Variants in MED10 observed in about 807,000 individuals in gnomAD.
MED10 encodes the protein mediator of RNA polymerase II transcription subunit 10.
MED10 carries 9 observed loss-of-function variants against 17.2 expected under a neutral mutation model. The observed-to-expected ratio is 0.52, with a 90% CI of 0.31 to 0.91. The LOEUF (loss-of-function observed/expected upper bound fraction) is 0.91, where lower values mean the gene tolerates loss of function less well. MED10 is among the 40% of genes least tolerant of loss of function. The pLI, the probability that MED10 is intolerant of heterozygous loss-of-function variation, is 0.04. For synonymous variants in MED10, 66 were observed against 59.8 expected (o/e 1.10, Z -0.48); for missense variants, 129 against 164.8 (o/e 0.78, Z 1.19).
Position 6,377,942 on chromosome 5 carries a change from T to C in MED10, c.122+420A>G, listed in dbSNP as rs768095157. On this transcript the variant is annotated intron_variant, in intron 1 of 3. Coordinates refer to ENST00000255764, the MANE Select transcript of MED10 (RefSeq NM_032286.3). ...CAGGTGGCTTCGGAGCCTCACCTTC[T>C]GAGGCCTAGTTTAGGGCGTGCACTC... Among the ~76,000 whole-genome samples the C allele has an allele frequency of 2.9e-4, 44 of 152,226 alleles. 1 individual carries two copies. Among genetic ancestry groups the C allele is most frequent in the Non-Finnish European group, 5.7e-4 (39 of 68,038 alleles).
chr5:6,372,668 C>A (rs139577666), intron 3 of MED10, 67 bp from the exon 4 acceptor site: 7 of 1,362,508 alleles, frequency 5.1e-6, no homozygotes, highest in Non-Finnish European at 1.0e-6. Flanking sequence ...TTAAAATATG[C>A]CTTTTGGAAG....
chr5:6,375,185 C>G (rs1203762248), intron 2 of MED10, among the ~76,000 whole-genome samples: 1 of 152,140 alleles, frequency 6.6e-6, no homozygotes, highest in Non-Finnish European at 1.5e-5. Context: ...AACATACTGC[C>G]TAGATCAATA....
rs1024640554 is a variant in MED10 at position 6,375,146 on chromosome 5, T to C, written c.207-720A>G. 3.3e-5 allele frequency among the ~76,000 whole-genome samples: 5 copies of C among 152,216 alleles called. No homozygotes were observed. The East Asian group carries it at 9.6e-4, about 29-fold the overall frequency. ...GAATTTCTGACACTTCCCCCAGAAA[T>C]TATCTTCAGTATCCTGAAGATTTAA... On this transcript the variant is annotated intron_variant, in intron 2 of 3. Coordinates refer to ENST00000255764, the MANE Select transcript of MED10 (RefSeq NM_032286.3).
rs1737900092 is a variant in MED10, at chr5:6,372,159, G to C, written c.*344C>G. The C allele has an allele frequency of 4.6e-6, 1 of 216,098 alleles. No homozygotes were observed. Among genetic ancestry groups the C allele is most frequent in the Non-Finnish European group, 9.1e-6 (1 of 109,560 alleles). 13.4% of individuals were successfully genotyped at this position (216,098 alleles called of 1,614,324 possible). ...AGAGTATGTTAAAAGAAAAATATTA[G>C]GTAGAATGTTGTAAAACTTTTAATT... is the stretch of plus-strand genomic sequence containing the variant. On this transcript the variant is annotated 3_prime_UTR_variant, in exon 4 of 4. Coordinates refer to ENST00000255764, the MANE Select transcript of MED10 (RefSeq NM_032286.3).
At chr5:6,378,281 C>T in intron 1 of MED10, 81 bp downstream of exon 1, 3 of 1,444,774 alleles carry the variant, frequency 2.1e-6, no homozygotes, top group Non-Finnish European at 2.7e-6. Context: ...TCGGCTCGGG[C>T]TCCCTAGATC....
At chr5:6,374,585 C>A in intron 2 of MED10, 159 bp from the exon 3 acceptor site, 1 of 595,776 alleles carries the variant, frequency 1.7e-6, no homozygotes. Context: ...AATATTCCCT[C>A]ATTTACACAA....
chr5:6,372,478 T>C lies in MED10; in HGVS notation c.*25A>G. ...CACGCCGCATCGCAGTCCCAGGGGA[T>C]CTTCACACAGGGAGGGTGAGCTGGT... On this transcript the variant is annotated 3_prime_UTR_variant, in exon 4 of 4. Coordinates refer to ENST00000255764, the MANE Select transcript of MED10 (RefSeq NM_032286.3). 6.3e-7 allele frequency: 1 copy of C among 1,599,006 alleles called. No homozygotes were observed. The highest frequency in any genetic ancestry group is 8.6e-7 in the Non-Finnish European group (1 of 1,166,356).
intron 3 of MED10, among the ~76,000 whole-genome samples, chr5:6,373,446 A>C (rs1385827701): frequency 6.6e-6 from 1 of 152,240 alleles, no homozygotes; most frequent in Non-Finnish European, 1.5e-5. Flanking sequence ...AGCATTCTCA[A>C]GGAAAGCTTT....
chr5:6,375,703 C>T (rs1019758121), intron 2 of MED10, among the ~76,000 whole-genome samples: 3 of 152,154 alleles, frequency 2.0e-5, no homozygotes, highest in African/African-American at 4.8e-5. Context: ...TTCACCTTAG[C>T]TAAAGACACA....
chr5:6,372,790 C>A (rs1403768527), intron 3 of MED10, among the ~76,000 whole-genome samples, 189 bp from the exon 4 acceptor site: 1 of 152,178 alleles, frequency 6.6e-6, no homozygotes, highest in Non-Finnish European at 1.5e-5. Flanking sequence ...GGAAGCGACA[C>A]TGCACAGCCC....
chr5:6,372,440 G>C lies in MED10; in HGVS notation c.*63C>G, dbSNP rs1294831044. ...CAGCAGGAAGGTGGCGTCAGCACTCGCAGTCCCAGCCTCACGCCGCATCGC... is the reference window on the plus strand; with the variant it reads ...CAGCAGGAAGGTGGCGTCAGCACTCCCAGTCCCAGCCTCACGCCGCATCGC... On this transcript the variant is annotated 3_prime_UTR_variant, in exon 4 of 4. Coordinates refer to ENST00000255764, the MANE Select transcript of MED10 (RefSeq NM_032286.3). 1 of 1,399,806 alleles carries C rather than the reference G, an allele frequency of 7.1e-7. No homozygotes were observed. Among genetic ancestry groups the C allele is most frequent in the South Asian group, 1.2e-5 (1 of 86,572 alleles). 86.7% of individuals were successfully genotyped at this position (1,399,806 alleles called of 1,614,324 possible). A position where few individuals can be genotyped will look rare whatever the true frequency, so the allele number is the denominator to read the frequency against.
At chr5:6,376,814 CT>C (rs1296361953) in intron 2 of MED10, 1 of 161,504 alleles carries the variant, frequency 6.2e-6, no homozygotes, top group African/African-American at 2.4e-5. Flanking sequence ...CTTTTCACCT[CT>C]TAAGGAAAAA....
At chr5:6,374,680 T>G (rs936172398) in intron 2 of MED10, 10 of 418,102 alleles carry the variant, frequency 2.4e-5, no homozygotes, top group Non-Finnish European at 3.1e-5. Flanking sequence ...CCAAGCACGC[T>G]TCACAAGCCA....
intron 1 of MED10, 40 bp downstream of exon 1, chr5:6,378,322 G>T (rs1221801507): frequency 6.5e-7 from 1 of 1,550,054 alleles, no homozygotes; most frequent in Non-Finnish European, 8.7e-7. Context: ...TTCCCGGCCA[G>T]GCCCTGGGGA....
intron 3 of MED10, 146 bp from the exon 4 acceptor site, chr5:6,372,747 G>C: frequency 3.2e-6 from 2 of 632,600 alleles, no homozygotes; most frequent in South Asian, 1.9e-5. Context: ...TGATCTCAGA[G>C]AGGAAATGAC....
Position 6,372,461 on chromosome 5 carries a change from A to T in MED10, c.*42T>A. ...ACTCGCAGTCCCAGCCTCACGCCGC[A>T]TCGCAGTCCCAGGGGATCTTCACAC... is the stretch of plus-strand genomic sequence containing the variant. On this transcript the variant is annotated 3_prime_UTR_variant, in exon 4 of 4. Coordinates refer to ENST00000255764, the MANE Select transcript of MED10 (RefSeq NM_032286.3). The T allele has an allele frequency of 6.4e-7, 1 of 1,559,368 alleles. No individual in the cohort carries two copies. The highest frequency in any genetic ancestry group is 1.1e-5 in the South Asian group (1 of 89,922).
intron 2 of MED10, 64 bp downstream of exon 2, chr5:6,377,102 C>A: frequency 8.9e-7 from 1 of 1,124,908 alleles, no homozygotes; most frequent in East Asian, 2.7e-5. Flanking sequence ...ATGAAGAAGT[C>A]ACGATACCAC....
chr5:6,375,924 C>T (rs965348350), intron 2 of MED10, among the ~76,000 whole-genome samples: 5 of 152,234 alleles, frequency 3.3e-5, no homozygotes, highest in African/African-American at 1.2e-4. Context: ...AGTCTGTTCA[C>T]ATCAGTCTCC....
At chr5:6,374,028 A>G (rs1737944449) in intron 3 of MED10, among the ~76,000 whole-genome samples, 1 of 152,242 alleles carries the variant, frequency 6.6e-6, no homozygotes, top group Non-Finnish European at 1.5e-5. Flanking sequence ...AATAGAAAGT[A>G]TCAATGCAAT....
Sources: allele counts gnomAD v4.1 joint callset (sites outside exome capture counted in the v4.1 genomes callset), GRCh38; gene constraint gnomAD v4.1.1; transcripts MANE v1.5; gene names NCBI Gene and HGNC (gene_info 2026-07-23, HGNC 2026-07-21).